PTPRG: variants seen among roughly 807,000 people sequenced by gnomAD.
PTPRG encodes the protein receptor-type tyrosine-protein phosphatase gamma.
In PTPRG, 102 loss-of-function variants were observed where a neutral mutation model predicts 165.3. The ratio of observed to expected loss-of-function variants is 0.62; its 90% CI spans 0.53 to 0.73. PTPRG has a LOEUF of 0.73. Ranked by LOEUF, PTPRG falls within the 30% of genes least tolerant of loss-of-function variation. The pLI is 0.00. For missense variants in PTPRG, 1,866 were observed against 1,861.4 expected (o/e 1.00, Z -0.05); for synonymous variants, 675 against 669.5 (o/e 1.01, Z -0.13).
chr3:61,705,672 G>A (rs539362991), intron 1 of PTPRG, among the ~76,000 whole-genome samples: 3 of 152,242 alleles, frequency 2.0e-5, no homozygotes, highest in South Asian at 2.1e-4. Context: ...ACCAGGACCC[G>A]GGAACGATGT....
intron 2 of PTPRG, among the ~76,000 whole-genome samples, chr3:61,961,311 C>T (rs1248546509): frequency 6.6e-6 from 1 of 152,100 alleles, no homozygotes; most frequent in Non-Finnish European, 1.5e-5. Flanking sequence ...CCAAATAATA[C>T]CTTTAGGGTT....
intron 1 of PTPRG, among the ~76,000 whole-genome samples, chr3:61,720,501 A>C (rs2032001829): frequency 6.6e-6 from 1 of 152,208 alleles, no homozygotes; most frequent in South Asian, 2.1e-4. Context: ...CCGCTCAATG[A>C]ATAATCACAA....
intron 2 of PTPRG, among the ~76,000 whole-genome samples, chr3:61,754,160 C>G (rs542200668): frequency 1.1e-4 from 16 of 152,216 alleles, no homozygotes; most frequent in African/African-American, 3.6e-4. Flanking sequence ...ACATTTCTGG[C>G]ATTGGGCTGG....
chr3:62,222,048 T>C lies in PTPRG; in HGVS notation c.2288+3065T>C, dbSNP rs560461609. On this transcript the variant is annotated intron_variant, in intron 13 of 29. Coordinates refer to ENST00000474889, the MANE Select transcript of PTPRG (RefSeq NM_002841.4). This position sits in a 1 kb window ranked among gnomAD's most constrained non-coding sequence, Gnocchi z 4.5. ...CACTGTCCTTTCTATTTGACCCACA[T>C]TCTTTGACCAAGGAAGAGAACGAGA... Among the ~76,000 whole-genome samples the C allele has an allele frequency of 2.0e-5, 3 of 152,370 alleles. No homozygotes were observed. Among genetic ancestry groups the C allele is most frequent in the Admixed American group, 2.0e-4 (3 of 15,306 alleles).
At chr3:62,207,364 G>C (rs1435847375) in intron 12 of PTPRG, among the ~76,000 whole-genome samples, 1 of 152,230 alleles carries the variant, frequency 6.6e-6, no homozygotes, top group Non-Finnish European at 1.5e-5. Flanking sequence ...TAAAGGACGT[G>C]AGTGACCTGA....
rs899919255 is a variant in PTPRG, at chr3:62,229,319, T to C, written c.2289-1906T>C. On this transcript the variant is annotated intron_variant, in intron 13 of 29. Coordinates refer to ENST00000474889, the MANE Select transcript of PTPRG (RefSeq NM_002841.4). This position sits in a 1 kb window ranked among gnomAD's most constrained non-coding sequence, Gnocchi z 4.6. ...AATGCTGTGGATCCCAGGCAACTTT[T>C]TGCTCAATAACTGTTTCCCAAATGG... 2.6e-5 allele frequency among the ~76,000 whole-genome samples: 4 copies of C among 152,162 alleles called. No homozygotes were observed. Among genetic ancestry groups the C allele is most frequent in the Non-Finnish European group, 4.4e-5 (3 of 68,022 alleles).
rs2035328807 is a variant in PTPRG at position 61,803,789 on chromosome 3, T to G, written c.190+54807T>G. On this transcript the variant is annotated intron_variant, in intron 2 of 29. Coordinates refer to ENST00000474889, the MANE Select transcript of PTPRG (RefSeq NM_002841.4). ...CCTCAAGAGATTGAAAAATACCTAT[T>G]TGTCATGGGTCTTCTGGGTCTGTTA... Among the ~76,000 whole-genome samples the G allele has an allele frequency of 3.3e-5, 5 of 152,172 alleles. No homozygotes were observed. The South Asian group carries it at 1.0e-3, about 32-fold the overall frequency.
chr3:61,601,748 A>G (rs1399452057), intron 1 of PTPRG, among the ~76,000 whole-genome samples: 1 of 152,352 alleles, frequency 6.6e-6, no homozygotes, highest in East Asian at 1.9e-4. Context: ...GACTAACATG[A>G]TAGAAGGTGA....
chr3:61,641,716 A>G (rs1449697111), intron 1 of PTPRG, among the ~76,000 whole-genome samples: 1 of 152,188 alleles, frequency 6.6e-6, no homozygotes, highest in African/African-American at 2.4e-5. Context: ...ATGAAATCTG[A>G]TTTTAAAAAA....
chr3:62,194,960 C>A, intron 9 of PTPRG, 102 bp from the exon 10 acceptor site: 2 of 1,072,090 alleles, frequency 1.9e-6, no homozygotes, highest in Non-Finnish European at 2.8e-6. Context: ...GGAAGCATCA[C>A]ACCTGTCAGG....
chr3:62,165,781 T>G (rs1704949408), intron 7 of PTPRG, among the ~76,000 whole-genome samples: 1 of 152,178 alleles, frequency 6.6e-6, no homozygotes, highest in Admixed American at 6.5e-5. Flanking sequence ...CTTCAATGAT[T>G]TTTGCATGGC....
chr3:61,904,566 A>G (rs2038593266), intron 2 of PTPRG, among the ~76,000 whole-genome samples: 1 of 152,158 alleles, frequency 6.6e-6, no homozygotes, highest in Admixed American at 6.5e-5. Context: ...TTCCTGGCAG[A>G]TGTCCAGAGG....
Position 62,195,091 on chromosome 3 carries a change from T to C in PTPRG, c.1248T>C (p.Asp416=). 3 of 1,614,240 alleles carry C rather than the reference T, an allele frequency of 1.9e-6. No individual in the cohort carries two copies. The highest frequency in any genetic ancestry group is 1.1e-5 in the South Asian group (1 of 91,092). ...CCACCATTAGCCATGTCTCACCCGA[T>C]AGCCTTTACCTGTTCCGAGTCCAGG... ...LKATISHVSP[D]SLYLFRVQAV... Residue 416 remains aspartate (D), a synonymous_variant, in exon 10 of 30, where the codon GAT becomes GAC. Transcript: ENST00000474889. The surrounding 1 kb of genome is among the most constrained non-coding windows in gnomAD (Gnocchi z 4.4).
At chr3:61,691,489 C>A (rs1479350969) in intron 1 of PTPRG, among the ~76,000 whole-genome samples, 2 of 152,082 alleles carry the variant, frequency 1.3e-5, no homozygotes, top group Non-Finnish European at 2.9e-5. Context: ...AGGATCAGGA[C>A]CATCCTAAAT....
In PTPRG at chr3:61,881,019, T is replaced by A. The variant is rs571002157; in HGVS notation, c.191-108606T>A. 1.1e-4 allele frequency among the ~76,000 whole-genome samples: 16 copies of A among 151,992 alleles called. No individual in the cohort carries two copies. The South Asian group carries it at 3.1e-3, about 30-fold the overall frequency. ...TCTTCATTCCACTCATTTGTTACCCTCTTGGCATTCTTAATATCATTTGTG... is the reference window on the plus strand; with the variant it reads ...TCTTCATTCCACTCATTTGTTACCCACTTGGCATTCTTAATATCATTTGTG... On this transcript the variant is annotated intron_variant, in intron 2 of 29. Coordinates refer to ENST00000474889, the MANE Select transcript of PTPRG (RefSeq NM_002841.4).
intron 14 of PTPRG, chr3:62,243,572 C>G (rs1701213599): frequency 2.6e-6 from 1 of 378,038 alleles, no homozygotes; most frequent in East Asian, 4.7e-5. Flanking sequence ...AAGCCTTTCC[C>G]TTTGAACTAT....
chr3:62,163,987 C>T (rs1013807837), intron 7 of PTPRG, among the ~76,000 whole-genome samples: 1 of 152,208 alleles, frequency 6.6e-6, no homozygotes, highest in Non-Finnish European at 1.5e-5. Context: ...GGATGGGAGG[C>T]TGTTAAAAAG....
At chr3:61,981,527 A>G (rs995652236) in intron 2 of PTPRG, among the ~76,000 whole-genome samples, 11 of 152,208 alleles carry the variant, frequency 7.2e-5, no homozygotes, top group African/African-American at 2.7e-4. Flanking sequence ...AGAGGAAAGT[A>G]TGGATAATCA....
intron 1 of PTPRG, among the ~76,000 whole-genome samples, chr3:61,594,024 G>A (rs545690809): frequency 4.6e-5 from 7 of 152,242 alleles, no homozygotes; most frequent in South Asian, 2.1e-4. Flanking sequence ...ACTGTGGCTC[G>A]TAATGAATGT....
Sources: gnomAD v4.1 joint callset for allele counts (sites outside exome capture counted in the v4.1 genomes callset) on GRCh38, gnomAD v4.1.1 for gene constraint, Gnocchi (gnomAD v3.1) non-coding constraint, MANE v1.5 for transcripts, NCBI Gene and HGNC (gene_info 2026-07-23, HGNC 2026-07-21) for gene names.